The following HIPK2 variants were observed in gnomAD, a reference collection of about 807,000 sequenced individuals.
HIPK2 encodes homeodomain-interacting protein kinase 2.
Under a neutral mutation model 113.7 loss-of-function variants are expected in HIPK2, and 27 were observed. That is an observed-to-expected ratio of 0.24 (90% CI 0.17 to 0.33). The LOEUF (loss-of-function observed/expected upper bound fraction) is 0.33. HIPK2 is among the 10% of genes least tolerant of loss of function. The pLI is 1.00. For missense variants in HIPK2, 1,257 were observed against 1,588.0 expected (o/e 0.79, Z 3.54); for synonymous variants, 631 against 642.2 (o/e 0.98, Z 0.26).
intron 2 of HIPK2, among the ~76,000 whole-genome samples, chr7:139,694,504 C>T (rs1794509936): frequency 6.6e-6 from 1 of 152,184 alleles, no homozygotes; most frequent in African/African-American, 2.4e-5. Flanking sequence ...TGCCCCAGCC[C>T]AGATCCACCT....
rs1474339918 is a variant in HIPK2, at chr7:139,670,747, CTTTCTTTCTTTCTTTTT to C, written c.1104-39039_1104-39023del. 3.1e-3 allele frequency among the ~76,000 whole-genome samples: 234 copies of C among 74,768 alleles called. 2 individuals carry two copies. Among genetic ancestry groups the C allele is most frequent in the African/African-American group, 0.014 (202 of 14,456 alleles). 49.1% of individuals were successfully genotyped at this position (74,768 alleles called of 152,430 possible). ...TTCTTTTTCTTTTCTTTCTTTCTTT[CTTTCTTTCTTTCTTTTT>C]TTTTTTTTTTTTTTTTTGAGGCAGA... On this transcript the variant is annotated intron_variant, in intron 2 of 14. Coordinates refer to ENST00000406875, the MANE Select transcript of HIPK2 (RefSeq NM_022740.5).
At chr7:139,746,074 A>C (rs1232062744) in intron 1 of HIPK2, among the ~76,000 whole-genome samples, 2 of 152,210 alleles carry the variant, frequency 1.3e-5, no homozygotes, top group Non-Finnish European at 2.9e-5. Context: ...ACACCAAGAC[A>C]CCAGGGCTAC....
At chr7:139,639,539 A>C (rs1405733101) in intron 2 of HIPK2, among the ~76,000 whole-genome samples, 2 of 152,152 alleles carry the variant, frequency 1.3e-5, no homozygotes, top group African/African-American at 4.8e-5. Flanking sequence ...TCTGACATAC[A>C]ATGTGTGAAG....
intron 6 of HIPK2, among the ~76,000 whole-genome samples, chr7:139,622,664 C>T (rs1365377493): frequency 6.6e-6 from 1 of 152,134 alleles, no homozygotes; most frequent in Admixed American, 6.5e-5. Context: ...GCTCCCAGGG[C>T]AGGGGCGCTA....
chr7:139,750,501 C>G (rs910521927), intron 1 of HIPK2, among the ~76,000 whole-genome samples: 1 of 152,164 alleles, frequency 6.6e-6, no homozygotes, highest in Non-Finnish European at 1.5e-5. Context: ...CATGCGTGAA[C>G]ACGCCAGTTA....
intron 2 of HIPK2, among the ~76,000 whole-genome samples, chr7:139,710,307 C>T (rs1231437646): frequency 2.0e-5 from 3 of 152,164 alleles, no homozygotes; most frequent in Non-Finnish European, 4.4e-5. Flanking sequence ...TCATTTCTCC[C>T]ATCTTCCCTT....
intron 5 of HIPK2, among the ~76,000 whole-genome samples, chr7:139,628,559 G>A (rs771835207): frequency 1.3e-5 from 2 of 151,994 alleles, no homozygotes; most frequent in Non-Finnish European, 2.9e-5. Context: ...TCAGCCTCCC[G>A]AGTAGCTGAG....
At chr7:139,579,672 CTGGTGCT>C (rs1798604564) in intron 13 of HIPK2, among the ~76,000 whole-genome samples, 1 of 149,788 alleles carries the variant, frequency 6.7e-6, no homozygotes, top group African/African-American at 2.6e-5. Flanking sequence ...ACAGAAGTTT[CTGGTGCT>C]CACTACAGGT....
intron 2 of HIPK2, among the ~76,000 whole-genome samples, chr7:139,692,396 A>G (rs563334456): frequency 6.6e-6 from 1 of 152,290 alleles, no homozygotes; most frequent in South Asian, 2.1e-4. Flanking sequence ...GAGCCTGCTT[A>G]ATGCCAAGGT....
intron 2 of HIPK2, among the ~76,000 whole-genome samples, chr7:139,647,412 TGAA>T (rs778080748): frequency 3.9e-5 from 6 of 152,336 alleles, no homozygotes; most frequent in South Asian, 2.1e-4. Flanking sequence ...GCTGATTGTG[TGAA>T]GAAGAAGTGA....
intron 11 of HIPK2, among the ~76,000 whole-genome samples, chr7:139,597,572 G>C (rs890972434): frequency 1.3e-5 from 2 of 152,026 alleles, no homozygotes; most frequent in African/African-American, 4.8e-5. Flanking sequence ...TCCTCCTCTG[G>C]AAAAAGAACA....
At chr7:139,724,787 T>A (rs1795522154) in intron 1 of HIPK2, among the ~76,000 whole-genome samples, 1 of 150,052 alleles carries the variant, frequency 6.7e-6, no homozygotes, top group African/African-American at 2.5e-5. Flanking sequence ...CGGTGTTTGG[T>A]TTTTTGTCCT....
rs192643297 is a variant in HIPK2 at position 139,741,440 on chromosome 7, G to A, written c.20-24425C>T. ...CCTTTGCCCCCTCGGGACAAACTTTGTTGGCAGGCCTGGCATTATTTTTGT... is the reference window on the plus strand; with the variant it reads ...CCTTTGCCCCCTCGGGACAAACTTTATTGGCAGGCCTGGCATTATTTTTGT... On this transcript the variant is annotated intron_variant, in intron 1 of 14. Coordinates refer to ENST00000406875, the MANE Select transcript of HIPK2 (RefSeq NM_022740.5). Among the ~76,000 whole-genome samples the A allele has an allele frequency of 1.0e-3, 152 of 152,238 alleles. 1 individual carries two copies. Among genetic ancestry groups the A allele is most frequent in the African/African-American group, 3.4e-3 (142 of 41,532 alleles).
At position 139,695,524 on chromosome 7, in the gene HIPK2, T is replaced by C. The variant is rs1028363592; in HGVS notation, c.1103+20408A>G. On this transcript the variant is annotated intron_variant, in intron 2 of 14. Coordinates refer to ENST00000406875, the MANE Select transcript of HIPK2 (RefSeq NM_022740.5). ...CTGTACTTGAGAATAGAAGTAGATA[T>C]ATTTAAGCTTGAGGACATTAAAAAG... is the stretch of plus-strand genomic sequence containing the variant. Among the ~76,000 whole-genome samples the C allele has an allele frequency of 6.6e-5, 10 of 152,304 alleles. No individual in the cohort carries two copies. In the South Asian group the frequency reaches 1.0e-3, roughly 16 times the overall value.
At chr7:139,678,490 G>A (rs1172869533) in intron 2 of HIPK2, among the ~76,000 whole-genome samples, 1 of 152,220 alleles carries the variant, frequency 6.6e-6, no homozygotes, top group Admixed American at 6.5e-5. Context: ...GGTTGCAGAT[G>A]TGTGGCATTA....
chr7:139,604,131 G>A lies in HIPK2; in HGVS notation c.2205C>T (p.Ala735=), dbSNP rs77436021. Reference sequence around the variant, plus strand: ...CTGCCATGGTCTCGGGAATCACGGTGGCATGCTGCACTGATGTGTGGGTGG... The same window carrying A: ...CTGCCATGGTCTCGGGAATCACGGTAGCATGCTGCACTGATGTGTGGGTGG... The part of the protein sequence containing the change: ...GVATHTSVQH[A]TVIPETMAGT... Residue 735 remains alanine (A), a synonymous_variant, in exon 10 of 15, where the codon GCC becomes GCT. Transcript: ENST00000406875. 25 of 1,613,970 alleles carry A rather than the reference G, an allele frequency of 1.5e-5. No homozygotes were observed. In the South Asian group the frequency reaches 2.7e-4, roughly 18 times the overall value.
In HIPK2 at chr7:139,562,547, A is replaced by G. The variant is rs976237658; in HGVS notation, c.*10380T>C. On this transcript the variant is annotated 3_prime_UTR_variant, in exon 15 of 15. Transcript: ENST00000406875. Reference sequence around the variant, plus strand: ...AGAGTATCAGAGGCTGCAGCTCAGTACACGTGGTCAAAGCAAAACGGGATG... The same window carrying G: ...AGAGTATCAGAGGCTGCAGCTCAGTGCACGTGGTCAAAGCAAAACGGGATG... 3.9e-5 allele frequency: 6 copies of G among 152,264 alleles called. No homozygotes were observed. The highest frequency in any genetic ancestry group is 9.6e-5 in the African/African-American group (4 of 41,472). 9.4% of individuals were successfully genotyped at this position (152,264 alleles called of 1,614,324 possible).
intron 2 of HIPK2, among the ~76,000 whole-genome samples, chr7:139,699,659 C>T (rs1312046213): frequency 2.6e-5 from 4 of 152,208 alleles, no homozygotes; most frequent in Non-Finnish European, 5.9e-5. Context: ...GGTGGCCTTT[C>T]CCATGGCAGA....
rs150372530 is a variant in HIPK2 at position 139,652,352 on chromosome 7, C to T, written c.1104-20627G>A. Among the ~76,000 whole-genome samples the T allele has an allele frequency of 8.6e-4, 131 of 152,288 alleles. 1 individual carries two copies. The highest frequency in any genetic ancestry group is 3.1e-3 in the African/African-American group (129 of 41,554). On this transcript the variant is annotated intron_variant, in intron 2 of 14. Coordinates refer to ENST00000406875, the MANE Select transcript of HIPK2 (RefSeq NM_022740.5). ...AAGGCATTCTGTCTGCCTCCCCCTT[C>T]CCCTGAGCTCGGGGACATGATTGGA...
Sources: gnomAD v4.1 joint callset for allele counts (sites outside exome capture counted in the v4.1 genomes callset) on GRCh38, gnomAD v4.1.1 for gene constraint, MANE v1.5 for transcripts, NCBI Gene and HGNC (gene_info 2026-07-23, HGNC 2026-07-21) for gene names.